CEP290: variants seen among roughly 807,000 people sequenced by gnomAD.
The protein encoded by CEP290 is centrosomal protein 290, also known as centrosomal protein of 290 kDa.
In CEP290, 317 loss-of-function variants were observed where a neutral mutation model predicts 344.9. The ratio of observed to expected loss-of-function variants is 0.92; its 90% confidence interval spans 0.84 to 1.01. The LOEUF (loss-of-function observed/expected upper bound fraction) is 1.01. CEP290 is among the 50% of genes least tolerant of loss of function. CEP290 has a pLI of 0.00. For synonymous variants in CEP290, 932 were observed against 895.8 expected (o/e 1.04, Z -0.72); for missense variants, 2,754 against 2,761.4 (o/e 1.00, Z 0.06).
At chr12:88,083,587 T>C (rs573143861) in intron 36 of CEP290, among the ~76,000 whole-genome samples, 13 of 152,094 alleles carry the variant, frequency 8.5e-5, no homozygotes, top group Non-Finnish European at 1.6e-4. Context: ...AAGTTAGATA[T>C]AGCTAAACTC....
rs774824252 is a variant in CEP290, at chr12:88,118,548, C to T, written c.1646G>A (p.Arg549Gln). ...ACGAATTTTTTTTTTCAGATCAAGT[C>T]GTTCTTCCTCTAGACTTTCAATCTG... Reference protein sequence around the residue: ...LKEIESLEEERLDLKKKIRQM... With the variant: ...LKEIESLEEEQLDLKKKIRQM... The change falls in exon 17 of 54, where the codon CGA becomes CAA. Residue 549 changes from arginine (R) to glutamine (Q), a missense_variant. Coordinates refer to ENST00000552810, the MANE Select transcript of CEP290 (RefSeq NM_025114.4). 2.0e-5 allele frequency: 31 copies of T among 1,587,190 alleles called. No homozygotes were observed. The East Asian group carries it at 2.0e-4, about 10-fold the overall frequency.
intron 23 of CEP290, among the ~76,000 whole-genome samples, chr12:88,108,594 T>C (rs765466613): frequency 7.9e-5 from 12 of 152,204 alleles, no homozygotes; most frequent in Non-Finnish European, 1.3e-4. Context: ...AGGAGAAATA[T>C]GTTAGTTCCC....
rs1269772894 is a variant in CEP290 at position 88,083,894 on chromosome 12, C to T, written c.4765G>A (p.Glu1589Lys). The T allele has an allele frequency of 1.1e-5, 18 of 1,599,862 alleles. No homozygotes were observed. Among genetic ancestry groups the T allele is most frequent in the Non-Finnish European group, 1.7e-6 (2 of 1,172,994 alleles). The change falls in exon 36 of 54, where the codon GAA (glutamate) becomes AAA (lysine). Residue 1589 changes from glutamate (E) to lysine (K), a missense_variant. By Grantham distance (56) the Glu-to-Lys change is moderately conservative. Transcript: ENST00000552810. ...TTTAGTGAACTATCAGCCTGTAGTT[C>T]TAATCTGTGATGAAGAATATGAAGG... The part of the protein sequence containing the change: ...EDLHILHHRL[E>K]LQADSSLNKF...
rs538808910 is a variant in CEP290, at chr12:88,073,048, C to T, written c.5710-1122G>A. ...GAAAGCCTATCCAATGCAGAATAGT[C>T]TCATGCACTGAACAACTTTCAAATG... On this transcript the variant is annotated intron_variant, in intron 41 of 53. Coordinates refer to ENST00000552810, the MANE Select transcript of CEP290 (RefSeq NM_025114.4). 1.2e-4 allele frequency among the ~76,000 whole-genome samples: 18 copies of T among 152,226 alleles called. No homozygotes were observed. The South Asian group carries it at 3.7e-3, about 32-fold the overall frequency.
intron 5 of CEP290, 117 bp downstream of exon 5, chr12:88,139,024 CAAAT>C: frequency 1.7e-6 from 1 of 598,406 alleles, no homozygotes; most frequent in African/African-American, 1.9e-5. Flanking sequence ...ACAGAATAAA[CAAAT>C]AACCATGATT....
At chr12:88,092,599 G>C in intron 29 of CEP290, 82 bp downstream of exon 29, 1 of 1,190,986 alleles carries the variant, frequency 8.4e-7, no homozygotes, top group Non-Finnish European at 1.2e-6. Flanking sequence ...ACTAAGAATT[G>C]TATACCTGTA....
At chr12:88,082,352 A>C (rs1038773245) in intron 37 of CEP290, among the ~76,000 whole-genome samples, 20 of 152,330 alleles carry the variant, frequency 1.3e-4, no homozygotes, top group Non-Finnish European at 2.5e-4. Context: ...TTTGACCTTC[A>C]TATAACCACC....
chr12:88,117,142 A>T lies in CEP290; in HGVS notation c.1715T>A (p.Leu572Ter). ...ERGKRSATSG[L>*]TTEDLNLTEN... is the part of the protein sequence containing the mutation. ...AGTTAGGTTCAGGTCCTCAGTGGTT[A>T]ATCCTATATATAAGAGAATTAACAA... Residue 572 changes from leucine (L) to a stop codon, truncating the protein, a stop_gained, in exon 18 of 54, where the codon TTA (leucine) becomes TAA (stop). Coordinates refer to ENST00000552810, the MANE Select transcript of CEP290 (RefSeq NM_025114.4). LOFTEE classifies it high-confidence loss of function. 6.9e-7 allele frequency: 1 copy of T among 1,443,198 alleles called. No individual in the cohort carries two copies. The highest frequency in any genetic ancestry group is 9.5e-7 in the Non-Finnish European group (1 of 1,047,920). The allele number at this position is 1,443,198 out of a possible 1,614,324, so 89.4% of individuals were successfully genotyped here. A position where few individuals can be genotyped will look rare whatever the true frequency, so the allele number is the denominator to read the frequency against.
At chr12:88,102,275 A>T (rs1415795568) in intron 26 of CEP290, among the ~76,000 whole-genome samples, 1 of 152,188 alleles carries the variant, frequency 6.6e-6, no homozygotes, top group African/African-American at 2.4e-5. Context: ...CATTAAATAA[A>T]TTTATTCTAC....
chr12:88,129,727 C>T lies in CEP290; in HGVS notation c.819G>A (p.Gln273=), dbSNP rs913228083. The change falls in exon 10 of 54, where the codon CAG becomes CAA. Residue 273 remains glutamine (Q), a synonymous_variant. Coordinates refer to ENST00000552810, the MANE Select transcript of CEP290 (RefSeq NM_025114.4). ...IVHQTDNVID[Q]LKKENDHYQL... is the part of the protein sequence containing the mutation. ...GATAATGATCGTTTTCTTTTTTTAA[C>T]TGATCTATTACATTATCTGTCTGAT... The T allele has an allele frequency of 6.9e-7, 1 of 1,459,090 alleles. No individual in the cohort carries two copies. Among genetic ancestry groups the T allele is most frequent in the African/African-American group, 1.5e-5 (1 of 68,260 alleles). 90.4% of individuals were successfully genotyped at this position (1,459,090 alleles called of 1,614,324 possible). A position where few individuals can be genotyped will look rare whatever the true frequency, so the allele number is the denominator to read the frequency against.
chr12:88,052,339 A>G (rs1202480632), intron 52 of CEP290, among the ~76,000 whole-genome samples: 2 of 152,218 alleles, frequency 1.3e-5, no homozygotes, highest in African/African-American at 2.4e-5. Flanking sequence ...AATATCCATC[A>G]AAACATAAAT....
chr12:88,111,594 G>A (rs1400571826), intron 21 of CEP290, 100 bp downstream of exon 21: 1 of 998,382 alleles, frequency 1.0e-6, no homozygotes, highest in African/African-American at 1.7e-5. Flanking sequence ...TAATTCAAGG[G>A]GCATTTTCTC....
chr12:88,131,815 CT>C (rs1220575030), intron 6 of CEP290, among the ~76,000 whole-genome samples: 3 of 152,228 alleles, frequency 2.0e-5, no homozygotes, highest in Admixed American at 6.5e-5. Context: ...AAAAAAACCC[CT>C]AATAAAATGG....
At position 88,136,649 on chromosome 12, in the gene CEP290, A is replaced by G. The variant is rs2040367783; in HGVS notation, c.435T>C (p.Asn145=). The change falls in exon 6 of 54, where the codon AAT becomes AAC. Residue 145 remains asparagine, a synonymous_variant. Coordinates refer to ENST00000552810, the MANE Select transcript of CEP290 (RefSeq NM_025114.4). Reference sequence around the variant, plus strand: ...GAAAAAAAAAGTGCTTTACTTGCTCATTAACTTTCTTCTCTTTCTCCAACT... The same window carrying G: ...GAAAAAAAAAGTGCTTTACTTGCTCGTTAACTTTCTTCTCTTTCTCCAACT... ...EKELEKEKKV[N]EQLALRNEEA... 4 of 1,613,648 alleles carry G rather than the reference A, an allele frequency of 2.5e-6. No individual in the cohort carries two copies. In the East Asian group the frequency reaches 8.9e-5, roughly 36 times the overall value.
chr12:88,074,138 T>C (rs2035586599), intron 41 of CEP290, among the ~76,000 whole-genome samples: 1 of 151,994 alleles, frequency 6.6e-6, no homozygotes, highest in Non-Finnish European at 1.5e-5. Context: ...TGCAGGAGAA[T>C]CACTTGAACC....
intron 15 of CEP290, 52 bp from the exon 16 acceptor site, chr12:88,118,795 C>T: frequency 7.8e-7 from 1 of 1,286,424 alleles, no homozygotes; most frequent in Non-Finnish European, 1.1e-6. Flanking sequence ...AAATAAGCTG[C>T]AAAAATGTCA....
intron 26 of CEP290, among the ~76,000 whole-genome samples, chr12:88,098,638 A>G (rs2037639717): frequency 6.6e-6 from 1 of 152,164 alleles, no homozygotes; most frequent in Non-Finnish European, 1.5e-5. Flanking sequence ...ATTTAGAAAG[A>G]AAATAAAAAC....
chr12:88,135,658 T>C (rs1304859196), intron 6 of CEP290: 2 of 152,208 alleles, frequency 1.3e-5, no homozygotes, highest in Non-Finnish European at 2.9e-5. Context: ...AGAATGGGGA[T>C]ACTTTTCCTT....
Position 88,106,920 on chromosome 12 carries a change from A to C in CEP290, c.2587-15T>G. 1 of 1,586,622 alleles carries C rather than the reference A, an allele frequency of 6.3e-7. No individual in the cohort carries two copies. Among genetic ancestry groups the C allele is most frequent in the South Asian group, 1.1e-5 (1 of 87,686 alleles). On this transcript the variant is annotated splice_polypyrimidine_tract_variant and intron_variant, in intron 24 of 53. Transcript: ENST00000552810. ...TTGAGCAAATTCTGCACAAAGACACATCCATATTACTTGTTGAATCTAGCT... is the reference window on the plus strand; with the variant it reads ...TTGAGCAAATTCTGCACAAAGACACCTCCATATTACTTGTTGAATCTAGCT...
Sources: gnomAD v4.1 joint callset for allele counts (sites outside exome capture counted in the v4.1 genomes callset) on GRCh38, gnomAD v4.1.1 for gene constraint, MANE v1.5 for transcripts, NCBI Gene and HGNC (gene_info 2026-07-23, HGNC 2026-07-21) for gene names.